Variants in GLB1 observed in about 807,000 individuals in gnomAD.
GLB1 encodes beta-galactosidase.
GLB1 carries 56 observed loss-of-function variants against 74.0 expected under a neutral mutation model. The observed-to-expected ratio is 0.76, with a 90% CI of 0.61 to 0.94. The LOEUF (loss-of-function observed/expected upper bound fraction) is 0.94, where lower values mean the gene tolerates loss of function less well. GLB1 is among the 40% of genes least tolerant of loss of function. The pLI is 0.00. For missense variants in GLB1, 787 were observed against 845.5 expected (o/e 0.93, Z 0.86); for synonymous variants, 323 against 323.6 (o/e 1.00, Z 0.02).
intron 10 of GLB1, chr3:33,034,424 G>T: frequency 1.4e-6 from 1 of 739,854 alleles, no homozygotes; most frequent in South Asian, 1.5e-5. Context: ...AGGTGGCTGT[G>T]ACAACCTCTT....
intron 15 of GLB1, 30 bp from the exon 16 acceptor site, chr3:32,997,374 C>A: frequency 6.2e-7 from 1 of 1,611,404 alleles, no homozygotes; most frequent in Non-Finnish European, 8.5e-7. Context: ...GAACCATCAA[C>A]CCCAGATGCA....
At chr3:32,988,663 T>C in the GLB1 span, among the ~76,000 whole-genome samples, 1 of 152,200 alleles carries the variant, frequency 6.6e-6, no homozygotes, top group South Asian at 2.1e-4. Flanking sequence ...ATTCCATCTT[T>C]TACCAGGTTG....
intron 15 of GLB1, among the ~76,000 whole-genome samples, chr3:33,003,223 T>C (rs1360646142): frequency 2.0e-5 from 3 of 152,202 alleles, no homozygotes; most frequent in Admixed American, 2.0e-4. Context: ...GATAAATCAC[T>C]TCTCATCAAA....
At chr3:33,051,613 A>T in intron 9 of GLB1, 145 bp downstream of exon 9, 1 of 1,208,818 alleles carries the variant, frequency 8.3e-7, no homozygotes, top group Non-Finnish European at 1.1e-6. Flanking sequence ...CAAAAAAAAA[A>T]AAAAAAGAAA....
chr3:32,978,491 G>A, the GLB1 span, among the ~76,000 whole-genome samples: 1 of 152,186 alleles, frequency 6.6e-6, no homozygotes, highest in Admixed American at 6.5e-5. Context: ...TGATACAATA[G>A]GAGTTTTGTA....
chr3:33,058,903 C>T (rs908215528), intron 5 of GLB1, among the ~76,000 whole-genome samples: 1 of 151,464 alleles, frequency 6.6e-6, no homozygotes, highest in Non-Finnish European at 1.5e-5. Flanking sequence ...ACACACACAC[C>T]GGTGTTCAGT....
At chr3:33,061,136 C>T (rs796231047) in intron 5 of GLB1, among the ~76,000 whole-genome samples, 36 of 152,218 alleles carry the variant, frequency 2.4e-4, no homozygotes, top group African/African-American at 8.4e-4. Context: ...CCAGGCTGGG[C>T]GTGGTGGCTC....
At chr3:33,060,159 C>T (rs55900208) in intron 5 of GLB1, among the ~76,000 whole-genome samples, 6,093 of 152,284 alleles carry the variant, frequency 0.04, 202 homozygotes, top group Middle Eastern at 0.061. Flanking sequence ...CTGCACAGTC[C>T]TGCCTCCCAC....
At chr3:33,041,661 CA>C (rs58227885) in intron 10 of GLB1, among the ~76,000 whole-genome samples, 39,245 of 99,082 alleles carry the variant, frequency 0.4, 5,760 homozygotes, top group East Asian at 0.82. Flanking sequence ...ACCCTGTCTT[CA>C]AAAAAAAAAA....
chr3:33,027,116 G>A (rs531156429), intron 10 of GLB1, among the ~76,000 whole-genome samples: 1 of 152,358 alleles, frequency 6.6e-6, no homozygotes, highest in South Asian at 2.1e-4. Flanking sequence ...CTGGGGCTGT[G>A]ACTCTCTCTT....
intron 1 of GLB1, among the ~76,000 whole-genome samples, chr3:33,089,667 G>C (rs546592256): frequency 3.3e-5 from 5 of 152,280 alleles, no homozygotes; most frequent in Admixed American, 3.3e-4. Flanking sequence ...GACAAAAACT[G>C]CATGATTTCA....
At chr3:33,077,012 C>A in intron 1 of GLB1, 1 of 1,228,464 alleles carries the variant, frequency 8.1e-7, no homozygotes, top group Non-Finnish European at 1.0e-6. Flanking sequence ...TTGCTAGAGC[C>A]CAGGAGTTCA....
chr3:32,995,464 C>T (rs892693850), downstream of GLB1, among the ~76,000 whole-genome samples: 12 of 152,098 alleles, frequency 7.9e-5, no homozygotes, highest in African/African-American at 2.9e-4. Flanking sequence ...TGGTGCAGAA[C>T]ATCTAGAAAA....
At chr3:33,096,970 C>A (rs760908003) in intron 1 of GLB1, 41 bp downstream of exon 1, 1 of 1,604,768 alleles carries the variant, frequency 6.2e-7, no homozygotes, top group East Asian at 2.3e-5. Flanking sequence ...CCAGCCTGTC[C>A]CCTAGCAATG....
chr3:32,980,398 G>A, the GLB1 span, among the ~76,000 whole-genome samples: 7 of 152,234 alleles, frequency 4.6e-5, no homozygotes, highest in East Asian at 1.9e-4. Flanking sequence ...TCAGACTTTC[G>A]TCTTTAATAA....
intron 1 of GLB1, among the ~76,000 whole-genome samples, chr3:33,076,454 T>C (rs529612680): frequency 6.6e-6 from 1 of 152,266 alleles, no homozygotes; most frequent in South Asian, 2.1e-4. Context: ...ACCAGATATG[T>C]GTTTTCAAAT....
the GLB1 span, among the ~76,000 whole-genome samples, chr3:32,990,386 G>A: frequency 6.6e-6 from 1 of 152,162 alleles, no homozygotes; most frequent in Non-Finnish European, 1.5e-5. Flanking sequence ...AAGCTACATG[G>A]TTCATTAATA....
Position 33,072,527 on chromosome 3 carries a change from C to G in GLB1, c.245+17G>C. 1 of 1,612,672 alleles carries G rather than the reference C, an allele frequency of 6.2e-7. No individual in the cohort carries two copies. Among genetic ancestry groups the G allele is most frequent in the Non-Finnish European group, 8.5e-7 (1 of 1,179,980 alleles). On this transcript the variant is annotated intron_variant, in intron 2 of 15. Coordinates refer to ENST00000307363, the MANE Select transcript of GLB1 (RefSeq NM_000404.4). Reference sequence around the variant, plus strand: ...GGTGTTCAGGCCTAGGTGAGAGCCACATGCCCTCCTACTTACGTCTGGATG... The same window carrying G: ...GGTGTTCAGGCCTAGGTGAGAGCCAGATGCCCTCCTACTTACGTCTGGATG...
chr3:32,967,264 A>T, the GLB1 span, among the ~76,000 whole-genome samples: 11 of 152,248 alleles, frequency 7.2e-5, no homozygotes, highest in Non-Finnish European at 1.3e-4. Context: ...AGAGCTAATA[A>T]GTGAGTTCAG....
Sources: allele counts gnomAD v4.1 joint callset (sites outside exome capture counted in the v4.1 genomes callset), GRCh38; gene constraint gnomAD v4.1.1; transcripts MANE v1.5; gene names NCBI Gene and HGNC (gene_info 2026-07-23, HGNC 2026-07-21).